MSI2: variants seen among roughly 807,000 people sequenced by gnomAD.
MSI2 encodes RNA-binding protein Musashi homolog 2.
A neutral mutation model predicts 45.6 loss-of-function variants in MSI2; 17 were observed. The ratio of observed to expected loss-of-function variants is 0.37; its 90% CI spans 0.26 to 0.56. The LOEUF is 0.56. MSI2 is among the 20% of genes least tolerant of loss of function. MSI2 has a pLI of 0.77. For synonymous variants in MSI2, 156 were observed against 158.2 expected (o/e 0.99, Z 0.11); for missense variants, 293 against 444.2 (o/e 0.66, Z 3.06).
chr17:57,381,229 C>A (rs2083592330), intron 5 of MSI2, among the ~76,000 whole-genome samples: 1 of 151,970 alleles, frequency 6.6e-6, no homozygotes, highest in Non-Finnish European at 1.5e-5. Context: ...CCACACCTGG[C>A]TAATTTTTGT....
chr17:57,653,903 A>G (rs949667882), intron 11 of MSI2, among the ~76,000 whole-genome samples: 2 of 139,628 alleles, frequency 1.4e-5, no homozygotes, highest in East Asian at 4.2e-4. Context: ...CATCCCTCTA[A>G]CTCCTAACCC....
At chr17:57,481,498 T>TC (rs1567849611) in intron 6 of MSI2, among the ~76,000 whole-genome samples, 1 of 152,206 alleles carries the variant, frequency 6.6e-6, no homozygotes, top group African/African-American at 2.4e-5. Context: ...TTGCTTTTTT[T>TC]CCCCCTTCTC....
At chr17:57,575,081 T>C (rs1447926492) in intron 7 of MSI2, among the ~76,000 whole-genome samples, 5 of 151,878 alleles carry the variant, frequency 3.3e-5, no homozygotes, top group East Asian at 1.9e-4. Flanking sequence ...CCGCCCACCT[T>C]GGCCTCCCAA....
intron 5 of MSI2, among the ~76,000 whole-genome samples, chr17:57,367,997 A>G (rs1174311759): frequency 6.6e-6 from 1 of 152,194 alleles, no homozygotes; most frequent in Non-Finnish European, 1.5e-5. Flanking sequence ...CATATGTAAG[A>G]TAAAGACCCT....
At chr17:57,467,707 G>A (rs1056089752) in intron 6 of MSI2, among the ~76,000 whole-genome samples, 1 of 152,108 alleles carries the variant, frequency 6.6e-6, no homozygotes, top group Non-Finnish European at 1.5e-5. Context: ...GGGTGATCCA[G>A]GACCTCTAGG....
At chr17:57,549,312 C>CA (rs2087249205) in intron 7 of MSI2, among the ~76,000 whole-genome samples, 1 of 124,288 alleles carries the variant, frequency 8.0e-6, no homozygotes, top group East Asian at 2.3e-4. Context: ...CCCCACTGCC[C>CA]TTTTTTTTTT....
intron 5 of MSI2, among the ~76,000 whole-genome samples, chr17:57,332,796 C>T (rs1403496345): frequency 3.3e-5 from 5 of 152,254 alleles, no homozygotes; most frequent in South Asian, 2.1e-4. Context: ...GAGGCCAAGG[C>T]GGGTGGATCA....
At chr17:57,312,174 A>G (rs914600468) in intron 5 of MSI2, among the ~76,000 whole-genome samples, 4 of 152,202 alleles carry the variant, frequency 2.6e-5, no homozygotes, top group East Asian at 1.9e-4. Flanking sequence ...GGAGAGTGCA[A>G]TGTCAAGAGA....
chr17:57,325,446 A>G lies in MSI2; in HGVS notation c.312+63254A>G, dbSNP rs934745116. ...GAAAACCACTTATACCCCAAAAGCT[A>G]TTGAAATACAAAAATTATTAAAAAC... On this transcript the variant is annotated intron_variant, in intron 5 of 13. Transcript: ENST00000284073. 2.0e-5 allele frequency among the ~76,000 whole-genome samples: 3 copies of G among 152,234 alleles called. No individual in the cohort carries two copies. The East Asian group carries it at 5.8e-4, about 29-fold the overall frequency.
chr17:57,377,664 T>C (rs955933579), intron 5 of MSI2, among the ~76,000 whole-genome samples: 6 of 152,208 alleles, frequency 3.9e-5, no homozygotes, highest in African/African-American at 1.2e-4. Context: ...CATTCATTTG[T>C]TCCCCCTTGC....
chr17:57,580,510 C>A (rs2088172428), intron 7 of MSI2, among the ~76,000 whole-genome samples: 1 of 152,208 alleles, frequency 6.6e-6, no homozygotes, highest in Non-Finnish European at 1.5e-5. Context: ...CTCTTCCAGT[C>A]CTGGCTTCCA....
chr17:57,607,872 G>A (rs1906801059), intron 8 of MSI2, among the ~76,000 whole-genome samples: 1 of 152,052 alleles, frequency 6.6e-6, no homozygotes, highest in Non-Finnish European at 1.5e-5. Context: ...GCAGGGAGGT[G>A]CCACACATTT....
At chr17:57,360,846 C>T (rs1253580966) in intron 5 of MSI2, among the ~76,000 whole-genome samples, 4 of 152,176 alleles carry the variant, frequency 2.6e-5, no homozygotes, top group African/African-American at 7.2e-5. Flanking sequence ...TTTGTACCTG[C>T]GTACAACTTA....
chr17:57,538,406 G>C (rs1436741169), intron 7 of MSI2, among the ~76,000 whole-genome samples: 1 of 152,194 alleles, frequency 6.6e-6, no homozygotes, highest in African/African-American at 2.4e-5. Flanking sequence ...ATGGTATGCT[G>C]CAAAGAGCTT....
intron 10 of MSI2, among the ~76,000 whole-genome samples, chr17:57,643,732 G>A (rs912295580): frequency 6.6e-6 from 1 of 152,240 alleles, no homozygotes; most frequent in African/African-American, 2.4e-5. Flanking sequence ...CTTCCTTTTA[G>A]TCCTATCAGT....
intron 7 of MSI2, among the ~76,000 whole-genome samples, chr17:57,532,595 C>T (rs748334662): frequency 4.6e-5 from 7 of 152,238 alleles, no homozygotes; most frequent in Non-Finnish European, 8.8e-5. Context: ...AGCGAGCCGG[C>T]CCCACATCTG....
At chr17:57,618,824 G>A (rs531537055) in intron 9 of MSI2, among the ~76,000 whole-genome samples, 2 of 152,300 alleles carry the variant, frequency 1.3e-5, no homozygotes, top group Admixed American at 6.5e-5. Context: ...TTACAGGCGT[G>A]AGCCACTGCG....
At chr17:57,498,715 C>A (rs2086031907) in intron 6 of MSI2, among the ~76,000 whole-genome samples, 1 of 152,092 alleles carries the variant, frequency 6.6e-6, no homozygotes, top group South Asian at 2.1e-4. Flanking sequence ...GGGGGAAATC[C>A]CCTAGTTGCA....
At chr17:57,672,161 C>T (rs1262551173) in intron 11 of MSI2, among the ~76,000 whole-genome samples, 6 of 152,198 alleles carry the variant, frequency 3.9e-5, no homozygotes, top group Admixed American at 3.9e-4. Flanking sequence ...GGCTCCGGCA[C>T]CGTGATGAGC....
Sources: allele counts gnomAD v4.1 joint callset (sites outside exome capture counted in the v4.1 genomes callset), GRCh38; gene constraint gnomAD v4.1.1; transcripts MANE v1.5; gene names NCBI Gene and HGNC (gene_info 2026-07-23, HGNC 2026-07-21).